Variants in NSD1 observed in about 807,000 individuals in gnomAD.
NSD1 encodes the protein nuclear receptor binding SET domain protein 1.
Under a neutral mutation model 242.7 loss-of-function variants are expected in NSD1, and 26 were observed. The ratio of observed to expected loss-of-function variants is 0.11; its 90% CI spans 0.08 to 0.15. The LOEUF (loss-of-function observed/expected upper bound fraction) is 0.15. NSD1 is among the 10% of genes least tolerant of loss of function. The pLI, the probability that NSD1 is intolerant of heterozygous loss-of-function variation, is 1.00. For synonymous variants in NSD1, 1,106 were observed against 1,178.1 expected (o/e 0.94, Z 1.25); for missense variants, 2,495 against 3,272.8 (o/e 0.76, Z 5.80).
Position 177,265,686 on chromosome 5 carries a change from C to T in NSD1, c.5147-1876C>T, listed in dbSNP as rs1018987138. On this transcript the variant is annotated intron_variant, in intron 14 of 22. Transcript: ENST00000439151. ...GCGTTGGGCCGCATGCCGATGGTGC[C>T]GAAGATCTCCTCGCCCGTCTTCAAG... 9.3e-6 allele frequency: 15 copies of T among 1,609,500 alleles called. No homozygotes were observed. In the East Asian group the frequency reaches 1.8e-4, roughly 19 times the overall value.
At chr5:177,195,049 C>T (rs997553575) in intron 3 of NSD1, among the ~76,000 whole-genome samples, 2 of 152,016 alleles carry the variant, frequency 1.3e-5, no homozygotes, top group Non-Finnish European at 2.9e-5. Context: ...ATCCCAGCTA[C>T]TGGGGAGGCT....
chr5:177,273,854 A>T (rs1017823188), intron 17 of NSD1, 70 bp downstream of exon 17: 4 of 1,027,762 alleles, frequency 3.9e-6, no homozygotes, highest in South Asian at 1.3e-5. Context: ...CACTCTGTTC[A>T]TGACAAGAAC....
rs757958784 is a variant in NSD1, at chr5:177,210,195, T to C, written c.1796T>C (p.Ile599Thr). ...SLLGLPEGALISKCSREKNKP... is the reference protein window; with the variant it reads ...SLLGLPEGALTSKCSREKNKP... ...TTGGGCTTGCCTGAGGGTGCTTTGATCTCAAAGTGTTCTCGAGAGAAGAAT... is the reference window on the plus strand; with the variant it reads ...TTGGGCTTGCCTGAGGGTGCTTTGACCTCAAAGTGTTCTCGAGAGAAGAAT... Residue 599 changes from isoleucine to threonine, a missense_variant, in exon 5 of 23, where the codon ATC becomes ACC. By Grantham distance (89) the Ile-to-Thr change is moderately conservative. Coordinates refer to ENST00000439151, the MANE Select transcript of NSD1 (RefSeq NM_022455.5). 6.3e-7 allele frequency: 1 copy of C among 1,599,386 alleles called. No individual in the cohort carries two copies. Among genetic ancestry groups the C allele is most frequent in the South Asian group, 1.1e-5 (1 of 88,764 alleles).
intron 2 of NSD1, among the ~76,000 whole-genome samples, chr5:177,173,857 G>A (rs1352141205): frequency 6.6e-6 from 1 of 152,212 alleles, no homozygotes; most frequent in East Asian, 1.9e-4. Flanking sequence ...GAGAACAATA[G>A]TCATTCATAT....
intron 21 of NSD1, among the ~76,000 whole-genome samples, chr5:177,291,383 G>A (rs527716920): frequency 1.7e-4 from 26 of 152,134 alleles, no homozygotes; most frequent in Non-Finnish European, 4.4e-5. Context: ...GGCCAGGTGC[G>A]GTGGCTCACG....
chr5:177,226,033 A>G (rs184618739), intron 5 of NSD1, among the ~76,000 whole-genome samples: 5 of 152,246 alleles, frequency 3.3e-5, no homozygotes, highest in African/African-American at 1.2e-4. Context: ...TTTAAGCAGC[A>G]GAGTGTGCCA....
At chr5:177,251,658 C>A in intron 11 of NSD1, 72 bp from the exon 12 acceptor site, 1 of 1,516,426 alleles carries the variant, frequency 6.6e-7, no homozygotes, top group Non-Finnish European at 9.2e-7. Context: ...TTTACTTTAA[C>A]CCACTGACAC....
chr5:177,138,253 G>A (rs1756512509), intron 2 of NSD1, among the ~76,000 whole-genome samples: 1 of 152,024 alleles, frequency 6.6e-6, no homozygotes, highest in Non-Finnish European at 1.5e-5. Context: ...GAAGAAGCAA[G>A]TATGTAGTTT....
Position 177,293,977 on chromosome 5 carries a change from T to C in NSD1, c.6609T>C (p.Thr2203=). 3.7e-6 allele frequency: 6 copies of C among 1,614,146 alleles called. No individual in the cohort carries two copies. Among genetic ancestry groups the C allele is most frequent in the Non-Finnish European group, 5.1e-6 (6 of 1,180,030 alleles). The change falls in exon 23 of 23, where the codon ACT becomes ACC. Residue 2203 remains threonine, a synonymous_variant. Coordinates refer to ENST00000439151, the MANE Select transcript of NSD1 (RefSeq NM_022455.5). ...AACTGGATGGGCGTCTGTCTTGTAC[T>C]GAGCATGACCCCTGTGGGCCCAATC... is the stretch of plus-strand genomic sequence containing the variant. ...ISKLDGRLSC[T]EHDPCGPNPL...
intron 2 of NSD1, among the ~76,000 whole-genome samples, chr5:177,158,315 CTTTCTTTTCTTTCT>C (rs1221777069): frequency 1.5e-5 from 2 of 134,114 alleles, no homozygotes; most frequent in Non-Finnish European, 3.2e-5. Context: ...TCTTTCTTTT[CTTTCTTTTCTTTCT>C]TTTCTTTCTT....
chr5:177,271,607 TG>T (rs1472481167), intron 16 of NSD1, among the ~76,000 whole-genome samples: 9 of 152,286 alleles, frequency 5.9e-5, no homozygotes, highest in African/African-American at 2.2e-4. Flanking sequence ...GCATCACATG[TG>T]AAAGCACGTG....
chr5:177,214,999 C>T (rs556602776), intron 5 of NSD1, among the ~76,000 whole-genome samples: 1 of 152,054 alleles, frequency 6.6e-6, no homozygotes, highest in South Asian at 2.1e-4. Flanking sequence ...CCACGCCCTG[C>T]CGATAACCTT....
At chr5:177,149,274 A>C (rs972265668) in intron 2 of NSD1, among the ~76,000 whole-genome samples, 1 of 151,392 alleles carries the variant, frequency 6.6e-6, no homozygotes, top group African/African-American at 2.4e-5. Flanking sequence ...ACTGGAGTGC[A>C]GTGATGCCAT....
At chr5:177,276,701 C>G (rs1758415895) in intron 17 of NSD1, among the ~76,000 whole-genome samples, 5 of 152,034 alleles carry the variant, frequency 3.3e-5, no homozygotes, top group Admixed American at 2.6e-4. Flanking sequence ...ATCTCCTGGC[C>G]TCAGGTTGTC....
chr5:177,280,034 G>A (rs1307478345), intron 17 of NSD1, among the ~76,000 whole-genome samples: 2 of 145,126 alleles, frequency 1.4e-5, no homozygotes, highest in African/African-American at 5.5e-5. Flanking sequence ...CCGAGAGACC[G>A]AGTCTCACTC....
intron 11 of NSD1, among the ~76,000 whole-genome samples, chr5:177,250,524 T>C (rs558692177): frequency 6.6e-6 from 1 of 152,318 alleles, no homozygotes; most frequent in East Asian, 1.9e-4. Context: ...CTAATTCACG[T>C]TGTAATTAAC....
rs1174328264 is a variant in NSD1, at chr5:177,135,320, C to G, written c.217C>G (p.Arg73Gly). Residue 73 changes from arginine to glycine, a missense_variant, in exon 2 of 23, where the codon CGG becomes GGG. Coordinates refer to ENST00000439151, the MANE Select transcript of NSD1 (RefSeq NM_022455.5). ...QDSPSCYIPL[R>G]RLQDLASMIN... ...TTCTCCATCTTGTTACATTCCACTG[C>G]GGAGACTACAGGATTTGGCCTCCAT... 6.2e-7 allele frequency: 1 copy of G among 1,613,180 alleles called. No individual in the cohort carries two copies. The highest frequency in any genetic ancestry group is 1.7e-5 in the Admixed American group (1 of 60,008).
intron 2 of NSD1, among the ~76,000 whole-genome samples, chr5:177,190,902 C>T (rs551760312): frequency 2.0e-5 from 3 of 149,948 alleles, no homozygotes; most frequent in Admixed American, 1.3e-4. Context: ...TTCCTGACCT[C>T]GTGATCTGCC....
chr5:177,222,361 T>C (rs2149866421), intron 5 of NSD1, among the ~76,000 whole-genome samples: 2 of 152,312 alleles, frequency 1.3e-5, no homozygotes, highest in South Asian at 2.1e-4. Flanking sequence ...TTTGGTTATA[T>C]CCCTAGGAGT....
Sources: allele counts gnomAD v4.1 joint callset (sites outside exome capture counted in the v4.1 genomes callset), GRCh38; gene constraint gnomAD v4.1.1; transcripts MANE v1.5; gene names NCBI Gene and HGNC (gene_info 2026-07-23, HGNC 2026-07-21).